USO1: variants seen among roughly 807,000 people sequenced by gnomAD.
The protein encoded by USO1 is general vesicular transport factor p115.
USO1 carries 57 observed loss-of-function variants against 124.5 expected under a neutral mutation model. That is an observed-to-expected ratio of 0.46 (90% confidence interval 0.37 to 0.57). The LOEUF is 0.57. USO1 is among the 20% of genes least tolerant of loss of function. The pLI is 0.00. For synonymous variants in USO1, 369 were observed against 362.8 expected (o/e 1.02, Z -0.19); for missense variants, 900 against 1,040.6 (o/e 0.86, Z 1.86).
chr4:75,746,036 G>A (rs1019498459), intron 1 of USO1, among the ~76,000 whole-genome samples: 2 of 152,202 alleles, frequency 1.3e-5, no homozygotes, highest in African/African-American at 4.8e-5. Context: ...GTCCAAGCTA[G>A]TAGATAATCC....
chr4:75,726,797 C>G (rs12505147), intron 1 of USO1, among the ~76,000 whole-genome samples: 15,839 of 152,200 alleles, frequency 0.1, 1,144 homozygotes, highest in South Asian at 0.2. Flanking sequence ...ATAATCACAG[C>G]CCACCACTTT....
chr4:75,814,031 G>A lies in USO1; in HGVS notation c.*736G>A, dbSNP rs965673604. 1 of 152,122 alleles carries A rather than the reference G, an allele frequency of 6.6e-6. No homozygotes were observed. Among genetic ancestry groups the A allele is most frequent in the African/African-American group, 2.4e-5 (1 of 41,422 alleles). The allele number at this position is 152,122 out of a possible 1,614,324, so 9.4% of individuals were successfully genotyped here. A position where few individuals can be genotyped will look rare whatever the true frequency, so the allele number is the denominator to read the frequency against. ...TAACAGTTCATACAACTCAGATTTA[G>A]TAGTATTGTTTATCATAAAACATAT... On this transcript the variant is annotated 3_prime_UTR_variant, in exon 24 of 24. Transcript: ENST00000514213.
chr4:75,790,637 C>G lies in USO1; in HGVS notation c.1086-6C>G. 1 of 1,597,666 alleles carries G rather than the reference C, an allele frequency of 6.3e-7. No individual in the cohort carries two copies. Among genetic ancestry groups the G allele is most frequent in the Non-Finnish European group, 8.5e-7 (1 of 1,175,302 alleles). ...CATTTTGTTCTTTTCTTTTTAAATG[C>G]AACAGACCGGCAATTGTAGTACTTC... On this transcript the variant is annotated splice_polypyrimidine_tract_variant and splice_region_variant and intron_variant, in intron 11 of 23. Coordinates refer to ENST00000514213, the MANE Select transcript of USO1 (RefSeq NM_003715.4).
At chr4:75,810,304 A>G in intron 21 of USO1, 128 bp from the exon 22 acceptor site, 2 of 1,063,760 alleles carry the variant, frequency 1.9e-6, no homozygotes, top group Non-Finnish European at 1.3e-6. Flanking sequence ...ACATAAATAC[A>G]TAAGGAATTA....
chr4:75,784,376 T>C (rs1186563139), intron 9 of USO1, among the ~76,000 whole-genome samples: 1 of 152,136 alleles, frequency 6.6e-6, no homozygotes, highest in East Asian at 1.9e-4. Context: ...AAAATGTGAT[T>C]AGAGAGGGTG....
At chr4:75,778,231 T>G (rs986641122) in intron 8 of USO1, among the ~76,000 whole-genome samples, 7 of 152,210 alleles carry the variant, frequency 4.6e-5, no homozygotes, top group African/African-American at 1.7e-4. Context: ...ACCAGAAGCC[T>G]TACCAATAAC....
At chr4:75,749,612 T>C (rs1184586355) in intron 1 of USO1, among the ~76,000 whole-genome samples, 1 of 151,890 alleles carries the variant, frequency 6.6e-6, no homozygotes, top group Non-Finnish European at 1.5e-5. Flanking sequence ...TTGCCCAGGC[T>C]GGTCTCAAAC....
intron 1 of USO1, among the ~76,000 whole-genome samples, chr4:75,737,360 A>G (rs1207172124): frequency 6.6e-6 from 1 of 152,240 alleles, no homozygotes; most frequent in Non-Finnish European, 1.5e-5. Flanking sequence ...GATGCACATT[A>G]GCATGTAAAC....
chr4:75,779,758 T>A (rs1560451217), intron 8 of USO1, among the ~76,000 whole-genome samples: 1 of 152,218 alleles, frequency 6.6e-6, no homozygotes, highest in Non-Finnish European at 1.5e-5. Context: ...AAACAGCAAG[T>A]GCTGATGTAG....
At chr4:75,733,851 G>T (rs1720708526) in intron 1 of USO1, among the ~76,000 whole-genome samples, 1 of 149,906 alleles carries the variant, frequency 6.7e-6, no homozygotes, top group Admixed American at 6.7e-5. Context: ...TTTTGTTTTT[G>T]TCACAATTGC....
At chr4:75,810,659 C>A in intron 22 of USO1, 120 bp downstream of exon 22, 1 of 1,241,114 alleles carries the variant, frequency 8.1e-7, no homozygotes, top group Non-Finnish European at 1.1e-6. Flanking sequence ...AATTTTATCT[C>A]ACAACATTTT....
rs1722487698 is a variant in USO1, at chr4:75,790,091, A to G, written c.997-59A>G. On this transcript the variant is annotated intron_variant, in intron 10 of 23. Transcript: ENST00000514213. ...AAAAGATTTTTTTTCTATTGAAAAC[A>G]TATTTTCCTTCTTGACTTAATTTCT... 5.5e-6 allele frequency: 8 copies of G among 1,465,862 alleles called. No individual in the cohort carries two copies. The African/African-American group carries it at 5.7e-5, about 11-fold the overall frequency. 90.8% of individuals were successfully genotyped at this position (1,465,862 alleles called of 1,614,324 possible). A position where few individuals can be genotyped will look rare whatever the true frequency, so the allele number is the denominator to read the frequency against.
chr4:75,800,701 T>G lies in USO1; in HGVS notation c.1766T>G (p.Leu589Trp). The change falls in exon 16 of 24, where the codon TTG becomes TGG. Residue 589 changes from leucine to tryptophan, a missense_variant. Physicochemically the swap from Leu to Trp is moderately conservative, Grantham distance 61. Coordinates refer to ENST00000514213, the MANE Select transcript of USO1 (RefSeq NM_003715.4). ...EKLGFISKHE[L>W]YSRASQKPQP... ...CTAGGATTTATTAGCAAACATGAGT[T>G]GTATTCCAGAGCATCTCAGAAACCC... 6 of 1,607,420 alleles carry G rather than the reference T, an allele frequency of 3.7e-6. No homozygotes were observed. Among genetic ancestry groups the G allele is most frequent in the Non-Finnish European group, 2.5e-6 (3 of 1,178,314 alleles).
intron 1 of USO1, 49 bp downstream of exon 1, chr4:75,724,934 C>G (rs201349953): frequency 6.2e-7 from 1 of 1,602,674 alleles, no homozygotes; most frequent in African/African-American, 1.3e-5. Flanking sequence ...CGGGCAGGGA[C>G]GGGGACGGAG....
chr4:75,749,938 A>G (rs954532847), intron 1 of USO1, among the ~76,000 whole-genome samples: 1 of 152,004 alleles, frequency 6.6e-6, no homozygotes, highest in East Asian at 1.9e-4. Context: ...CATTTTTAGT[A>G]GAGACAGGGT....
At chr4:75,811,841 C>T (rs1411473776) in intron 22 of USO1, among the ~76,000 whole-genome samples, 2 of 151,834 alleles carry the variant, frequency 1.3e-5, no homozygotes, top group Non-Finnish European at 2.9e-5. Context: ...CTGTAAAATG[C>T]TTTGTGTTTC....
intron 16 of USO1, 59 bp downstream of exon 16, chr4:75,800,858 T>C: frequency 6.5e-7 from 1 of 1,546,680 alleles, no homozygotes; most frequent in South Asian, 1.2e-5. Context: ...ATATTGTACA[T>C]GTATATTCTG....
intron 22 of USO1, among the ~76,000 whole-genome samples, chr4:75,811,419 A>G (rs1318657941): frequency 1.3e-5 from 2 of 152,124 alleles, no homozygotes; most frequent in East Asian, 1.9e-4. Flanking sequence ...GCCCCCCCCA[A>G]AGTGCTGGGA....
At chr4:75,740,719 G>A (rs950536196) in intron 1 of USO1, among the ~76,000 whole-genome samples, 6 of 152,126 alleles carry the variant, frequency 3.9e-5, no homozygotes, top group South Asian at 2.1e-4. Flanking sequence ...TTTAGAGTAG[G>A]TAATAAAAGC....
Sources: gnomAD v4.1 joint callset for allele counts (sites outside exome capture counted in the v4.1 genomes callset) on GRCh38, gnomAD v4.1.1 for gene constraint, MANE v1.5 for transcripts, NCBI Gene and HGNC (gene_info 2026-07-23, HGNC 2026-07-21) for gene names.